Variants in TRPM3 observed in about 807,000 individuals in gnomAD.
The protein encoded by TRPM3 is long transient receptor potential channel 3.
A neutral mutation model predicts 181.2 loss-of-function variants in TRPM3; 77 were observed. That is an observed-to-expected ratio of 0.42 (90% CI 0.35 to 0.51). The LOEUF (loss-of-function observed/expected upper bound fraction) is 0.51. Among genes scored for constraint, TRPM3 ranks in the 20% least tolerant of loss-of-function variants. TRPM3 has a pLI of 0.01. For missense variants in TRPM3, 1,759 were observed against 2,196.7 expected, an observed-to-expected ratio of 0.80 and a Z score of 3.98; for synonymous variants, 745 against 796.4, an observed-to-expected ratio of 0.94 and a Z score of 1.09.
At chr9:70,983,176 T>C (rs2097381068) in intron 1 of TRPM3, among the ~76,000 whole-genome samples, 1 of 152,096 alleles carries the variant, frequency 6.6e-6, no homozygotes. Context: ...CTACAACCTC[T>C]CTTCTCTTGA....
At chr9:71,153,284 G>A (rs920493820) in intron 1 of TRPM3, among the ~76,000 whole-genome samples, 24 of 148,102 alleles carry the variant, frequency 1.6e-4, no homozygotes, top group South Asian at 4.3e-4. Context: ...TTTAAATGGC[G>A]CCATTAATTT....
At chr9:70,609,689 A>AATG (rs1266036645) in intron 19 of TRPM3, among the ~76,000 whole-genome samples, 13 of 152,344 alleles carry the variant, frequency 8.5e-5, no homozygotes, top group African/African-American at 2.9e-4. Flanking sequence ...CTTTAAAGTC[A>AATG]ATGTTAAGTG....
At chr9:71,228,318 G>C (rs773532972) in intron 1 of TRPM3, among the ~76,000 whole-genome samples, 42 of 152,102 alleles carry the variant, frequency 2.8e-4, no homozygotes, top group Non-Finnish European at 2.6e-4. Flanking sequence ...GGTATAGAAG[G>C]AGTAAACCTC....
Position 70,863,112 on chromosome 9 carries a change from CCT to C in TRPM3, c.258-2_258-1del, listed in dbSNP as rs759971397. ...GGCCTATCAGACGCCCACAGCAACA[CCT>C]ATAACAGAAGAGGTTAAAGTGAACC... On this transcript the variant is annotated splice_acceptor_variant, in intron 2 of 25. Transcript: ENST00000677713. LOFTEE classifies it high-confidence loss of function. The C allele has an allele frequency of 6.2e-7, 1 of 1,612,486 alleles. No individual in the cohort carries two copies. The highest frequency in any genetic ancestry group is 1.1e-5 in the South Asian group (1 of 90,946).
At chr9:70,984,023 T>TC (rs1331068834) in intron 1 of TRPM3, among the ~76,000 whole-genome samples, 1 of 152,128 alleles carries the variant, frequency 6.6e-6, no homozygotes, top group Non-Finnish European at 1.5e-5. Context: ...GCTCCCTCAG[T>TC]CCAGCTATGT....
intron 1 of TRPM3, among the ~76,000 whole-genome samples, chr9:71,308,651 A>C (rs1218416548): frequency 2.0e-5 from 3 of 152,102 alleles, no homozygotes; most frequent in Admixed American, 1.3e-4. Context: ...CAAACAAAGT[A>C]ATGGGGGTTT....
At chr9:70,925,749 A>C (rs972237843) in intron 1 of TRPM3, among the ~76,000 whole-genome samples, 3 of 152,118 alleles carry the variant, frequency 2.0e-5, no homozygotes, top group African/African-American at 7.2e-5. Context: ...GAGGAAACAC[A>C]ATATCTCCTT....
chr9:70,535,157 C>G lies in TRPM3; in HGVS notation c.*796G>C, dbSNP rs1034268046. 2.7e-6 allele frequency: 1 copy of G among 366,104 alleles called. No individual in the cohort carries two copies. Among genetic ancestry groups the G allele is most frequent in the Non-Finnish European group, 4.8e-6 (1 of 206,282 alleles). 22.7% of individuals were successfully genotyped at this position (366,104 alleles called of 1,614,324 possible). A position where few individuals can be genotyped will look rare whatever the true frequency, so the allele number is the denominator to read the frequency against. On this transcript the variant is annotated 3_prime_UTR_variant, in exon 26 of 26. Coordinates refer to ENST00000677713, the MANE Select transcript of TRPM3 (RefSeq NM_001366145.2). Reference sequence around the variant, plus strand: ...TTAATTACATTCTCCTGAGCTTGCTCGACTAGACTTGAACGCCCACTGTAT... The same window carrying G: ...TTAATTACATTCTCCTGAGCTTGCTGGACTAGACTTGAACGCCCACTGTAT...
chr9:71,182,758 T>C (rs932698971), intron 1 of TRPM3, among the ~76,000 whole-genome samples: 17 of 151,994 alleles, frequency 1.1e-4, no homozygotes, highest in African/African-American at 3.9e-4. Context: ...AACGCCGTGG[T>C]TCAAGGGATT....
At chr9:70,553,752 G>A (rs2047003335) in intron 22 of TRPM3, among the ~76,000 whole-genome samples, 1 of 152,192 alleles carries the variant, frequency 6.6e-6, no homozygotes, top group Non-Finnish European at 1.5e-5. Flanking sequence ...GCAGCATCTC[G>A]GGACTATTGA....
intron 1 of TRPM3, among the ~76,000 whole-genome samples, chr9:71,015,591 A>C (rs925270018): frequency 6.6e-6 from 1 of 152,226 alleles, no homozygotes; most frequent in Non-Finnish European, 1.5e-5. Context: ...TGCTATACTT[A>C]GAAGACTTAT....
At chr9:70,615,875 C>T (rs757055891) in intron 18 of TRPM3, 33 bp downstream of exon 18, 5 of 1,572,818 alleles carry the variant, frequency 3.2e-6, no homozygotes, top group Non-Finnish European at 4.3e-6. Context: ...AGGAATTCTG[C>T]CCATAGAGAA....
chr9:71,048,129 G>A (rs2059671219), intron 1 of TRPM3, among the ~76,000 whole-genome samples: 1 of 151,934 alleles, frequency 6.6e-6, no homozygotes, highest in South Asian at 2.1e-4. Flanking sequence ...TACTCTTAAT[G>A]GCAAAACCAC....
intron 6 of TRPM3, among the ~76,000 whole-genome samples, chr9:70,794,299 C>T (rs2086440429): frequency 1.3e-5 from 2 of 152,002 alleles, no homozygotes; most frequent in African/African-American, 2.4e-5. Flanking sequence ...GAAACTTCAC[C>T]CTGATAATGA....
At chr9:71,391,352 A>G (rs1188198950) in intron 1 of TRPM3, among the ~76,000 whole-genome samples, 1 of 152,008 alleles carries the variant, frequency 6.6e-6, no homozygotes, top group Non-Finnish European at 1.5e-5. Flanking sequence ...CCATGATAAT[A>G]CTCAAGCAAC....
rs1055827316 is a variant in TRPM3 at position 71,299,657 on chromosome 9, GTC to G, written c.183+146994_183+146995del. 1.1e-4 allele frequency among the ~76,000 whole-genome samples: 17 copies of G among 152,180 alleles called. 1 individual carries two copies. The South Asian group carries it at 1.5e-3, about 13-fold the overall frequency. ...AATGGTTAGTTATATTCTGAAATGT[GTC>G]TCTCAGTTCTCATAAAAATCAAAGA... On this transcript the variant is annotated intron_variant, in intron 1 of 24. Transcript: ENST00000357533.
chr9:71,030,104 G>A (rs887190685), intron 1 of TRPM3, among the ~76,000 whole-genome samples: 4 of 152,026 alleles, frequency 2.6e-5, no homozygotes, highest in Non-Finnish European at 5.9e-5. Flanking sequence ...TATATTCATC[G>A]TGGTTATCTT....
At chr9:70,762,958 G>C (rs1420931200) in intron 7 of TRPM3, among the ~76,000 whole-genome samples, 3 of 152,128 alleles carry the variant, frequency 2.0e-5, no homozygotes, top group African/African-American at 7.2e-5. Context: ...CAACATGAAA[G>C]CAAGAAAAAC....
In TRPM3 at chr9:71,381,921, C is replaced by T. The variant is rs537030498; in HGVS notation, c.183+64732G>A. Among the ~76,000 whole-genome samples, 7 of 152,252 alleles carry T rather than the reference C, an allele frequency of 4.6e-5. No homozygotes were observed. In the East Asian group the frequency reaches 1.4e-3, roughly 29 times the overall value. ...ATGGATTAATTCTACGGTTTTTGAG[C>T]ACCTCTCTTCTCAGACCTACTTCCC... On this transcript the variant is annotated intron_variant, in intron 1 of 24. Transcript: ENST00000357533.
Sources: allele counts gnomAD v4.1 joint callset (sites outside exome capture counted in the v4.1 genomes callset), GRCh38; gene constraint gnomAD v4.1.1; transcripts MANE v1.5; gene names NCBI Gene and HGNC (gene_info 2026-07-23, HGNC 2026-07-21).